Variants in MUC12 observed in about 807,000 individuals in gnomAD.
The protein encoded by MUC12 is mucin 12, cell surface associated, also known as mucin-12.
A neutral mutation model predicts 230.8 loss-of-function variants in MUC12; 172 were observed. That is an observed-to-expected ratio of 0.75 (90% CI 0.66 to 0.85). MUC12 has a LOEUF of 0.85. Ranked by LOEUF, MUC12 falls within the 40% of genes least tolerant of loss-of-function variation. The probability of loss-of-function intolerance (pLI) is 0.00; values close to 1 mark genes in which losing one functional copy is unlikely to be tolerated. For synonymous variants in MUC12, 1,259 were observed against 2,401.9 expected (o/e 0.52, Z 13.91); for missense variants, 3,506 against 5,920.6 (o/e 0.59, Z 13.38).
chr7:101,009,065 G>A, intron 4 of MUC12, 30 bp from the exon 5 acceptor site: 1 of 1,536,276 alleles, frequency 6.5e-7, no homozygotes, highest in African/African-American at 1.4e-5. Context: ...CTCTAGCTTT[G>A]TGTGACCTTC....
At position 100,990,739 on chromosome 7, in the gene MUC12, T is replaced by C. The variant is rs1409623571; in HGVS notation, c.176T>C (p.Ile59Thr). 2.6e-6 allele frequency: 4 copies of C among 1,537,780 alleles called. No homozygotes were observed. Among genetic ancestry groups the C allele is most frequent in the South Asian group, 1.2e-5 (1 of 84,072 alleles). The change falls in exon 2 of 12, where the codon ATC (isoleucine) becomes ACC (threonine). Residue 59 changes from isoleucine to threonine, a missense_variant. By Grantham distance (89) the Ile-to-Thr change is moderately conservative (BLOSUM62 -1). Transcript: ENST00000536621. ...GACTATGGGGTGTCAGTCACATTTA[T>C]CACGGGCTCAACTGCAACAAAACAC... ...FSDYGVSVTFITGSTATKHFL... is the reference protein window; with the variant it reads ...FSDYGVSVTFTTGSTATKHFL...
chr7:100,980,146 T>G (rs1483414852), intron 1 of MUC12, among the ~76,000 whole-genome samples: 3 of 151,772 alleles, frequency 2.0e-5, no homozygotes, highest in Non-Finnish European at 4.4e-5. Flanking sequence ...CAAGTTCAAG[T>G]GATTCCCCTG....
chr7:100,975,034 G>A (rs1246363293), intron 1 of MUC12, among the ~76,000 whole-genome samples: 2 of 145,680 alleles, frequency 1.4e-5, no homozygotes, highest in Non-Finnish European at 3.1e-5. Context: ...CTCCAGTTGG[G>A]CCTGTTGAGT....
At position 100,992,190 on chromosome 7, in the gene MUC12, C is replaced by A. The variant is rs765249028; in HGVS notation, c.1627C>A (p.Pro543Thr). The stretch of plus-strand genomic sequence containing the variant: ...AGCATTCCCTGGCAGTACCACCATG[C>A]CAGGCCTCAGTCAGGAATCTACAGC... ...TTAFPGSTTM[P>T]GLSQESTASH... is the part of the protein sequence containing the mutation. Residue 543 changes from proline (P) to threonine (T), a missense_variant, in exon 2 of 12, where the codon CCA (proline) becomes ACA (threonine). By Grantham distance (38) the Pro-to-Thr change is conservative. Transcript: ENST00000536621. The A allele has an allele frequency of 4.6e-6, 7 of 1,537,820 alleles. No homozygotes were observed. Among genetic ancestry groups the A allele is most frequent in the Non-Finnish European group, 6.1e-6 (7 of 1,147,046 alleles).
In MUC12 at chr7:101,004,506, C is replaced by A; in HGVS notation, c.13943C>A (p.Thr4648Lys). ...ACAATATCTTCACCTCCTAGCACCA[C>A]ATCTGCCCTTGTTGAAGAACCTACC... ...THTISSPPSTTSALVEEPTSY... is the reference protein window; with the variant it reads ...THTISSPPSTKSALVEEPTSY... Residue 4648 changes from threonine (T) to lysine (K), a missense_variant, in exon 2 of 12, where the codon ACA (threonine) becomes AAA (lysine). Physicochemically the swap from Thr to Lys is moderately conservative, Grantham distance 78. Transcript: ENST00000536621. The A allele has an allele frequency of 6.5e-7, 1 of 1,535,250 alleles. No homozygotes were observed. The highest frequency in any genetic ancestry group is 8.7e-7 in the Non-Finnish European group (1 of 1,146,234).
intron 1 of MUC12, among the ~76,000 whole-genome samples, chr7:100,980,908 A>G (rs1563086279): frequency 1.3e-5 from 2 of 151,026 alleles, no homozygotes; most frequent in African/African-American, 2.4e-5. Context: ...ACAGAGTGAG[A>G]CCCCCAACTC....
At chr7:100,975,110 A>G (rs546554945) in intron 1 of MUC12, among the ~76,000 whole-genome samples, 11 of 152,426 alleles carry the variant, frequency 7.2e-5, no homozygotes, top group Non-Finnish European at 1.6e-4. Flanking sequence ...GAATGGGGAC[A>G]CAGTCTAGAA....
chr7:100,990,914 C>A lies in MUC12; in HGVS notation c.351C>A (p.Ala117=). ...GEPKTSPITS[A]SMETTALPGS... The stretch of plus-strand genomic sequence containing the variant: ...CTAAAACCTCACCCATCACTTCAGC[C>A]TCAATGGAAACAACAGCGTTACCTG... Residue 117 remains alanine (A), a synonymous_variant, in exon 2 of 12, where the codon GCC becomes GCA. Coordinates refer to ENST00000536621, the MANE Select transcript of MUC12 (RefSeq NM_001164462.2). 2.0e-6 allele frequency: 3 copies of A among 1,537,874 alleles called. No homozygotes were observed. The highest frequency in any genetic ancestry group is 2.6e-6 in the Non-Finnish European group (3 of 1,147,068).
intron 1 of MUC12, among the ~76,000 whole-genome samples, chr7:100,986,688 T>C (rs1445005590): frequency 6.6e-6 from 1 of 152,116 alleles, no homozygotes; most frequent in Non-Finnish European, 1.5e-5. Flanking sequence ...TGGCAGAGGG[T>C]GCCTCTGCTC....
chr7:100,971,235 G>A (rs566204758), intron 1 of MUC12, among the ~76,000 whole-genome samples: 363 of 152,378 alleles, frequency 2.4e-3, no homozygotes, highest in African/African-American at 8.2e-3. Flanking sequence ...GAGGCTCAGG[G>A]GTCCTTGCTC....
intron 1 of MUC12, among the ~76,000 whole-genome samples, chr7:100,985,809 G>T (rs1272369153): frequency 6.6e-6 from 1 of 152,072 alleles, no homozygotes; most frequent in Non-Finnish European, 1.5e-5. Flanking sequence ...GGCCAGAGGG[G>T]TCCCTCACTC....
rs1203392175 is a variant in MUC12, at chr7:100,969,810, A to G, written c.67+121A>G. 2.8e-6 allele frequency: 4 copies of G among 1,410,542 alleles called. No homozygotes were observed. In the East Asian group the frequency reaches 7.5e-5, roughly 26 times the overall value. The allele number at this position is 1,410,542 out of a possible 1,614,324, so 87.4% of individuals were successfully genotyped here. ...CCCCTTTGCATGGCAAGGGGCTGCC[A>G]CAGGGCTGGAGACCCGTGCTGTGAC... is the stretch of plus-strand genomic sequence containing the variant. On this transcript the variant is annotated intron_variant, in intron 1 of 11. Coordinates refer to ENST00000536621, the MANE Select transcript of MUC12 (RefSeq NM_001164462.2).
chr7:101,006,398 A>G (rs1359029097), intron 2 of MUC12, 73 bp from the exon 3 acceptor site: 1 of 974,838 alleles, frequency 1.0e-6, no homozygotes. Context: ...GAGTGACTGG[A>G]CCTGGAATGG....
chr7:101,007,753 G>A (rs1793777412), intron 3 of MUC12, among the ~76,000 whole-genome samples: 1 of 152,144 alleles, frequency 6.6e-6, no homozygotes, highest in Non-Finnish European at 1.5e-5. Flanking sequence ...TTTCTTTTGG[G>A]TATATACCCA....
chr7:100,992,554 GC>G lies in MUC12; in HGVS notation c.1994del (p.Pro665ArgfsTer116), dbSNP rs1584832438. The G allele has an allele frequency of 6.5e-7, 1 of 1,537,874 alleles. No homozygotes were observed. The highest frequency in any genetic ancestry group is 8.7e-7 in the Non-Finnish European group (1 of 1,147,074). On this transcript the variant is annotated frameshift_variant, in exon 2 of 12. Coordinates refer to ENST00000536621, the MANE Select transcript of MUC12 (RefSeq NM_001164462.2). LOFTEE classifies it high-confidence loss of function. Reference sequence around the variant, plus strand: ...GAGCCATCTACAACCTCCCACGGCAGCCCGAGCTCAATTCCAACAACCCACA... The same window carrying G: ...GAGCCATCTACAACCTCCCACGGCAGCCGAGCTCAATTCCAACAACCCACA... The part of the protein sequence containing the change: ...FVEPSTTSHG[S>X]PSSIPTTHIS...
Position 101,009,164 on chromosome 7 carries a change from G to A in MUC12, c.15251+5G>A, listed in dbSNP as rs902406149. On this transcript the variant is annotated splice_donor_5th_base_variant and intron_variant, in intron 5 of 11. Transcript: ENST00000536621. ...GGTGAACATTCGGAGATTGCTGTGAGTATATTGGGGGGCAGGTTTATAGAT... is the reference window on the plus strand; with the variant it reads ...GGTGAACATTCGGAGATTGCTGTGAATATATTGGGGGGCAGGTTTATAGAT... 7.8e-6 allele frequency: 12 copies of A among 1,537,518 alleles called. No homozygotes were observed. In the African/African-American group the frequency reaches 9.6e-5, roughly 12 times the overall value.
chr7:101,009,214 C>T, intron 5 of MUC12, 55 bp downstream of exon 5: 1 of 1,485,286 alleles, frequency 6.7e-7, no homozygotes, highest in Non-Finnish European at 9.1e-7. Flanking sequence ...CTTGTCCCTG[C>T]TTTCCTGCCT....
At position 100,990,563 on chromosome 7, in the gene MUC12, G is replaced by A. The variant is rs61747298; in HGVS notation, c.68-68G>A. 4,395 of 1,522,824 alleles carry A rather than the reference G, an allele frequency of 2.9e-3. 105 individuals are homozygous for A. In the African/African-American group the frequency reaches 0.051, roughly 18 times the overall value. The allele number at this position is 1,522,824 out of a possible 1,614,324, so 94.3% of individuals were successfully genotyped here. A position where few individuals can be genotyped will look rare whatever the true frequency, so the allele number is the denominator to read the frequency against. ...CTTCCAGCCCGGATGTGTCAGAATT[G>A]ACTGCCACCAAACATGAGGAGACAG... On this transcript the variant is annotated intron_variant, in intron 1 of 11. Transcript: ENST00000536621.
chr7:100,991,055 A>C lies in MUC12; in HGVS notation c.492A>C (p.Lys164Asn), dbSNP rs1168836068. The change falls in exon 2 of 12, where the codon AAA becomes AAC. Residue 164 changes from lysine to asparagine, a missense_variant. Coordinates refer to ENST00000536621, the MANE Select transcript of MUC12 (RefSeq NM_001164462.2). ...ARTTSSGVSEKSTTSHSRPGP... is the reference protein window; with the variant it reads ...ARTTSSGVSENSTTSHSRPGP... ...CGACAAGCTCAGGCGTCAGTGAAAA[A>C]TCAACCACCTCCCACAGCCGACCAG... 1 of 1,537,654 alleles carries C rather than the reference A, an allele frequency of 6.5e-7. No homozygotes were observed. The highest frequency in any genetic ancestry group is 1.2e-5 in the South Asian group (1 of 84,046).
Sources: gnomAD v4.1 joint callset for allele counts (sites outside exome capture counted in the v4.1 genomes callset) on GRCh38, gnomAD v4.1.1 for gene constraint, MANE v1.5 for transcripts, NCBI Gene and HGNC (gene_info 2026-07-23, HGNC 2026-07-21) for gene names.